The following BCAT1 variants were observed in gnomAD, a reference collection of about 807,000 sequenced individuals.
BCAT1 encodes branched chain amino acid transaminase 1, also known as branched-chain-amino-acid aminotransferase, cytosolic.
BCAT1 carries 48 observed loss-of-function variants against 52.4 expected under a neutral mutation model. The ratio of observed to expected loss-of-function variants is 0.92; its 90% CI spans 0.73 to 1.16. The LOEUF (loss-of-function observed/expected upper bound fraction) is 1.16, where lower values mean the gene tolerates loss of function less well. BCAT1 is among the 50% of genes most tolerant of loss of function. The pLI, the probability that BCAT1 is intolerant of heterozygous loss-of-function variation, is 0.00. For synonymous variants in BCAT1, 167 were observed against 161.3 expected (o/e 1.04, Z -0.27); for missense variants, 451 against 457.1 (o/e 0.99, Z 0.12).
chr12:24,939,412 T>C (rs990132896), intron 1 of BCAT1, among the ~76,000 whole-genome samples: 2 of 152,202 alleles, frequency 1.3e-5, no homozygotes, highest in African/African-American at 2.4e-5. Context: ...CTATGAATCA[T>C]TATAATGTGT....
chr12:24,839,147 C>T (rs6487427), intron 7 of BCAT1, among the ~76,000 whole-genome samples: 130,113 of 152,188 alleles, frequency 0.85, 55,883 homozygotes, highest in Non-Finnish European at 0.89. Flanking sequence ...CAGGGGGAAA[C>T]AAAGAAGGAA....
chr12:24,902,478 G>T, intron 1 of BCAT1: 51 of 269,714 alleles, frequency 1.9e-4, no homozygotes, highest in Non-Finnish European at 2.8e-4. Flanking sequence ...GCAGACATTT[G>T]TTTTAATGCG....
chr12:24,854,294 C>A (rs545080537), intron 5 of BCAT1, among the ~76,000 whole-genome samples: 2 of 152,262 alleles, frequency 1.3e-5, no homozygotes, highest in East Asian at 3.9e-4. Context: ...CATGTGCAGG[C>A]TTGAGAATAA....
chr12:24,870,106 G>A (rs992518804), intron 5 of BCAT1, among the ~76,000 whole-genome samples: 1 of 152,080 alleles, frequency 6.6e-6, no homozygotes, highest in Admixed American at 6.6e-5. Flanking sequence ...ATGGAAATGA[G>A]AGTGTGAGAG....
Position 24,902,793 on chromosome 12 carries a change from G to A in BCAT1, c.7-908C>T, listed in dbSNP as rs779564123. 3.1e-4 allele frequency: 344 copies of A among 1,115,864 alleles called. 1 individual carries two copies. Among genetic ancestry groups the A allele is most frequent in the Admixed American group, 7.0e-4 (25 of 35,700 alleles). The allele number at this position is 1,115,864 out of a possible 1,614,324, so 69.1% of individuals were successfully genotyped here. ...ACTCCAGATTTCGGGCAGGGATGCG[G>A]GGAAGGGAAGACGCCTCGCTGGAGG... On this transcript the variant is annotated intron_variant, in intron 1 of 10. Coordinates refer to ENST00000261192, the MANE Select transcript of BCAT1 (RefSeq NM_005504.7).
chr12:24,937,220 G>A (rs1210416815), intron 1 of BCAT1, among the ~76,000 whole-genome samples: 1 of 151,866 alleles, frequency 6.6e-6, no homozygotes, highest in African/African-American at 2.4e-5. Flanking sequence ...TGAGGAAGTA[G>A]CATCCAATCT....
chr12:24,942,631 G>C lies in BCAT1; in HGVS notation c.6+6296C>G, dbSNP rs531878728. Among the ~76,000 whole-genome samples, 5 of 152,036 alleles carry C rather than the reference G, an allele frequency of 3.3e-5. No individual in the cohort carries two copies. In the South Asian group the frequency reaches 1.0e-3, roughly 32 times the overall value. On this transcript the variant is annotated intron_variant, in intron 1 of 10. Coordinates refer to ENST00000261192, the MANE Select transcript of BCAT1 (RefSeq NM_005504.7). ...TGGCTAAGGTGGAGTCACCTGCAAA[G>C]AACATGGCCATACTGGCCTTCTCCT...
intron 1 of BCAT1, among the ~76,000 whole-genome samples, chr12:24,947,170 C>CAA (rs1491020737): frequency 6.7e-5 from 2 of 29,732 alleles, no homozygotes; most frequent in Admixed American, 5.4e-4. Context: ...CTTCCCTCCA[C>CAA]ACACACACAC....
rs1939751485 is a variant in BCAT1, at chr12:24,813,312, T to G, written c.*4696A>C. On this transcript the variant is annotated 3_prime_UTR_variant, in exon 11 of 11. Coordinates refer to ENST00000261192, the MANE Select transcript of BCAT1 (RefSeq NM_005504.7). ...AATCTTTAAAAGGGGTTTGTGGTAA[T>G]GATAAAAAATTTATCTCTTTCCACA... The G allele has an allele frequency of 6.6e-6, 1 of 152,036 alleles. No individual in the cohort carries two copies. The highest frequency in any genetic ancestry group is 1.5e-5 in the Non-Finnish European group (1 of 67,906). The allele number at this position is 152,036 out of a possible 1,614,324, so 9.4% of individuals were successfully genotyped here.
At chr12:24,835,037 A>T (rs145152579) in intron 8 of BCAT1, among the ~76,000 whole-genome samples, 64 of 152,350 alleles carry the variant, frequency 4.2e-4, no homozygotes, top group Non-Finnish European at 6.9e-4. Flanking sequence ...ATGCTAGCAA[A>T]TCATTAGTGT....
intron 5 of BCAT1, among the ~76,000 whole-genome samples, chr12:24,872,150 A>T (rs11615863): frequency 0.11 from 17,275 of 152,292 alleles, 1,080 homozygotes; most frequent in East Asian, 0.17. Context: ...AAATAGAGGC[A>T]GTGAATAAGG....
rs376105853 is a variant in BCAT1 at position 24,857,841 on chromosome 12, T to A, written c.511-7892A>T. 3.9e-5 allele frequency among the ~76,000 whole-genome samples: 6 copies of A among 152,316 alleles called. No individual in the cohort carries two copies. The East Asian group carries it at 1.2e-3, about 29-fold the overall frequency. ...TATGGGAGAGCTTTTAACCTTGGTG[T>A]GTAATAACTAGGCAGGAAATATGCT... On this transcript the variant is annotated intron_variant, in intron 5 of 10. Coordinates refer to ENST00000261192, the MANE Select transcript of BCAT1 (RefSeq NM_005504.7).
chr12:24,939,829 G>A (rs953673519), intron 1 of BCAT1, among the ~76,000 whole-genome samples: 9 of 152,156 alleles, frequency 5.9e-5, no homozygotes, highest in African/African-American at 1.9e-4. Context: ...GCAAGACTCT[G>A]TCTCAAAAAA....
At chr12:24,844,894 C>CAAGAAAA (rs1491324252) in intron 6 of BCAT1, among the ~76,000 whole-genome samples, 6 of 35,998 alleles carry the variant, frequency 1.7e-4, no homozygotes, top group African/African-American at 6.2e-4. Context: ...GAGACTGTCT[C>CAAGAAAA]AAAAAAAAAA....
rs978985592 is a variant in BCAT1, at chr12:24,811,720, A to C, written c.*6288T>G. On this transcript the variant is annotated 3_prime_UTR_variant, in exon 11 of 11. Coordinates refer to ENST00000261192, the MANE Select transcript of BCAT1 (RefSeq NM_005504.7). ...CAAAGGGTTTATTTCTTTCTACTCA[A>C]TTTTTCTTAAAAAGAATTTCAAGAA... The C allele has an allele frequency of 2.0e-5, 3 of 152,078 alleles. No homozygotes were observed. The highest frequency in any genetic ancestry group is 4.4e-5 in the Non-Finnish European group (3 of 67,966). The allele number at this position is 152,078 out of a possible 1,614,324, so 9.4% of individuals were successfully genotyped here.
chr12:24,945,249 C>T lies in BCAT1; in HGVS notation c.6+3678G>A, dbSNP rs541250639. Among the ~76,000 whole-genome samples, 3 of 152,274 alleles carry T rather than the reference C, an allele frequency of 2.0e-5. No individual in the cohort carries two copies. In the South Asian group the frequency reaches 6.2e-4, roughly 32 times the overall value. ...CAAGGTCTTATGATGAAACTGTTTA[C>T]CAATATTTGCAAAGTCATGTTTATG... On this transcript the variant is annotated intron_variant, in intron 1 of 10. Transcript: ENST00000261192.
At chr12:24,908,488 C>A in intron 1 of BCAT1, among the ~76,000 whole-genome samples, 1 of 152,142 alleles carries the variant, frequency 6.6e-6, no homozygotes, top group East Asian at 1.9e-4. Context: ...TGTAATCCCC[C>A]CACTTTAGGA....
intron 2 of BCAT1, among the ~76,000 whole-genome samples, chr12:24,894,999 G>A (rs1274382739): frequency 1.3e-5 from 2 of 152,308 alleles, no homozygotes; most frequent in African/African-American, 4.8e-5. Flanking sequence ...GCAAAGTGAA[G>A]CAAATGTTTT....
At chr12:24,831,062 C>A (rs1355945559) in intron 9 of BCAT1, among the ~76,000 whole-genome samples, 1 of 152,174 alleles carries the variant, frequency 6.6e-6, no homozygotes, top group African/African-American at 2.4e-5. Flanking sequence ...CGTGGACTTT[C>A]TTCTGCCTCT....
Sources: gnomAD v4.1 joint callset for allele counts (sites outside exome capture counted in the v4.1 genomes callset) on GRCh38, gnomAD v4.1.1 for gene constraint, MANE v1.5 for transcripts, NCBI Gene and HGNC (gene_info 2026-07-23, HGNC 2026-07-21) for gene names.